Variants in SKIC3 observed in about 807,000 individuals in gnomAD.
SKIC3 encodes SKI3 subunit of superkiller complex.
the SKIC3 span, among the ~76,000 whole-genome samples, chr5:95,486,999 T>C: frequency 1.3e-5 from 2 of 152,146 alleles, no homozygotes; most frequent in African/African-American, 2.4e-5. Context: ...TGTGTGGGTG[T>C]TGCCAAAAGA....
chr5:95,532,415 A>G, the SKIC3 span, among the ~76,000 whole-genome samples: 1 of 152,216 alleles, frequency 6.6e-6, no homozygotes, highest in African/African-American at 2.4e-5. Flanking sequence ...TTCTCTGCAT[A>G]TGACCAAGCG....
chr5:95,478,468 G>T, the SKIC3 span: 1 of 1,613,388 alleles, frequency 6.2e-7, no homozygotes, highest in Non-Finnish European at 8.5e-7. Context: ...GGAGAAGGAG[G>T]CAAAGGATTT....
the SKIC3 span, chr5:95,484,683 G>A: frequency 1.2e-6 from 2 of 1,613,430 alleles, no homozygotes; most frequent in Non-Finnish European, 1.7e-6. Flanking sequence ...TTCCCAGTAA[G>A]ATAAGAATCC....
chr5:95,503,871 T>C, the SKIC3 span: 39 of 1,613,894 alleles, frequency 2.4e-5, no homozygotes, highest in Non-Finnish European at 3.1e-5. Flanking sequence ...AAACCTATGA[T>C]GTCTTCTAAC....
At chr5:95,553,929 A>T in the SKIC3 span, among the ~76,000 whole-genome samples, 1 of 152,226 alleles carries the variant, frequency 6.6e-6, no homozygotes, top group Non-Finnish European at 1.5e-5. Flanking sequence ...CTACACTAAC[A>T]GATAAACTAA....
At chr5:95,517,000 A>C in the SKIC3 span, 1 of 1,613,600 alleles carries the variant, frequency 6.2e-7, no homozygotes, top group South Asian at 1.1e-5. Context: ...GATAATAATT[A>C]ATTCCAAGGT....
At chr5:95,494,720 G>A in the SKIC3 span, 1 of 1,613,706 alleles carries the variant, frequency 6.2e-7, no homozygotes, top group Non-Finnish European at 8.5e-7. Flanking sequence ...GGTCTTTAGT[G>A]CAGTATTTTT....
chr5:95,504,695 C>A, the SKIC3 span, among the ~76,000 whole-genome samples: 1 of 151,460 alleles, frequency 6.6e-6, no homozygotes, highest in Non-Finnish European at 1.5e-5. Context: ...AAATATTATT[C>A]TTTTTTGTGT....
the SKIC3 span, among the ~76,000 whole-genome samples, chr5:95,502,635 T>G: frequency 6.6e-6 from 1 of 152,166 alleles, no homozygotes; most frequent in Non-Finnish European, 1.5e-5. Flanking sequence ...CAGTTTCTCT[T>G]TTAAAAAAAC....
At chr5:95,525,312 TTCA>T in the SKIC3 span, 1 of 1,240,164 alleles carries the variant, frequency 8.1e-7, no homozygotes, top group Non-Finnish European at 1.2e-6. Flanking sequence ...AAATCAAATC[TTCA>T]TCAAGCCTAC....
At chr5:95,470,885 G>A in the SKIC3 span, among the ~76,000 whole-genome samples, 1 of 151,898 alleles carries the variant, frequency 6.6e-6, no homozygotes, top group East Asian at 1.9e-4. Context: ...TATGTAAAGA[G>A]AAAAAAATGC....
the SKIC3 span, among the ~76,000 whole-genome samples, chr5:95,466,284 T>G: frequency 3.3e-5 from 5 of 152,206 alleles, no homozygotes; most frequent in African/African-American, 1.2e-4. Flanking sequence ...TATTTTATAG[T>G]AAAGGCAAGA....
chr5:95,492,539 A>G, the SKIC3 span, among the ~76,000 whole-genome samples: 1 of 142,032 alleles, frequency 7.0e-6, no homozygotes, highest in Non-Finnish European at 1.6e-5. Flanking sequence ...TGGGAGGCTG[A>G]GGCAGGAGAA....
chr5:95,515,657 A>T, the SKIC3 span, among the ~76,000 whole-genome samples: 1 of 152,124 alleles, frequency 6.6e-6, no homozygotes, highest in Non-Finnish European at 1.5e-5. Flanking sequence ...ATCCAAATTA[A>T]TATTTTCTTC....
the SKIC3 span, among the ~76,000 whole-genome samples, chr5:95,538,968 T>TTG: frequency 1.4e-4 from 21 of 152,314 alleles, no homozygotes; most frequent in African/African-American, 2.6e-4. Flanking sequence ...AGTGATTAAG[T>TTG]TACTGATGTA....
At chr5:95,489,866 C>T in the SKIC3 span, among the ~76,000 whole-genome samples, 1 of 152,040 alleles carries the variant, frequency 6.6e-6, no homozygotes, top group African/African-American at 2.4e-5. Context: ...TCTGAATTAC[C>T]ACTTAATAAA....
chr5:95,529,310 A>G, the SKIC3 span: 4 of 608,584 alleles, frequency 6.6e-6, no homozygotes, highest in Admixed American at 1.0e-4. Flanking sequence ...CACCATCTTT[A>G]TCCCAAATCA....
chr5:95,534,552 G>T, the SKIC3 span, among the ~76,000 whole-genome samples: 3 of 152,026 alleles, frequency 2.0e-5, no homozygotes, highest in Admixed American at 2.0e-4. Context: ...TTAATAAAAA[G>T]CCTCACAATC....
At chr5:95,510,064 T>C in the SKIC3 span, among the ~76,000 whole-genome samples, 1 of 152,178 alleles carries the variant, frequency 6.6e-6, no homozygotes, top group Non-Finnish European at 1.5e-5. Context: ...CTCTTGGCGG[T>C]TCTGTTCCAA....
Sources: allele counts gnomAD v4.1 joint callset (sites outside exome capture counted in the v4.1 genomes callset), GRCh38; gene constraint gnomAD v4.1.1; transcripts MANE v1.5; gene names NCBI Gene and HGNC (gene_info 2026-07-23, HGNC 2026-07-21).